The following ANTXR1 variants were observed in gnomAD, a reference collection of about 807,000 sequenced individuals.
ANTXR1 encodes the protein anthrax toxin receptor 1.
Under a neutral mutation model 78.1 loss-of-function variants are expected in ANTXR1, and 19 were observed. The ratio of observed to expected loss-of-function variants is 0.24; its 90% confidence interval spans 0.17 to 0.36. ANTXR1 has a LOEUF of 0.36. ANTXR1 is among the 10% of genes least tolerant of loss of function. The pLI is 1.00. For missense variants in ANTXR1, 518 were observed against 718.6 expected (o/e 0.72, Z 3.19); for synonymous variants, 273 against 260.5 (o/e 1.05, Z -0.46).
chr2:69,073,893 C>A (rs1401746638), intron 6 of ANTXR1, among the ~76,000 whole-genome samples: 3 of 152,192 alleles, frequency 2.0e-5, no homozygotes, highest in African/African-American at 7.2e-5. Context: ...AACAACATCC[C>A]AGAGATGCAG....
intron 10 of ANTXR1, among the ~76,000 whole-genome samples, chr2:69,119,180 G>A (rs1284560710): frequency 1.3e-5 from 2 of 152,212 alleles, no homozygotes; most frequent in East Asian, 3.9e-4. Flanking sequence ...GAGAGGAGTT[G>A]TCCAGAGGCA....
At chr2:69,125,197 C>T (rs1281589442) in intron 12 of ANTXR1, among the ~76,000 whole-genome samples, 1 of 152,062 alleles carries the variant, frequency 6.6e-6, no homozygotes, top group Non-Finnish European at 1.5e-5. Flanking sequence ...GGGGAAGGAG[C>T]CCTTACAATA....
chr2:69,136,531 C>A (rs1051029832), intron 12 of ANTXR1, among the ~76,000 whole-genome samples: 1 of 152,196 alleles, frequency 6.6e-6, no homozygotes, highest in African/African-American at 2.4e-5. Context: ...ACACCCAAAG[C>A]ATTTGTGAGT....
intron 1 of ANTXR1, among the ~76,000 whole-genome samples, chr2:69,028,023 G>A (rs1020793289): frequency 1.3e-5 from 2 of 152,080 alleles, no homozygotes; most frequent in East Asian, 1.9e-4. Flanking sequence ...AATGATGCAG[G>A]CATGTTTAAG....
At chr2:69,091,005 G>A (rs1671215212) in intron 9 of ANTXR1, 86 bp downstream of exon 9, 3 of 1,360,266 alleles carry the variant, frequency 2.2e-6, no homozygotes, top group Non-Finnish European at 3.1e-6. Context: ...TGTTGGTGGG[G>A]TGGGAAAGAG....
At chr2:69,124,773 G>C in intron 12 of ANTXR1, 130 bp downstream of exon 12, 2 of 924,770 alleles carry the variant, frequency 2.2e-6, no homozygotes, top group Non-Finnish European at 3.4e-6. Context: ...GCTGAGCTTT[G>C]ATCCCAGCAC....
chr2:69,110,471 C>T (rs1341146227), intron 10 of ANTXR1, among the ~76,000 whole-genome samples: 1 of 152,214 alleles, frequency 6.6e-6, no homozygotes, highest in Non-Finnish European at 1.5e-5. Context: ...AGTTATACTT[C>T]ACCCCTAAAT....
At chr2:69,051,119 C>G (rs991889364) in intron 3 of ANTXR1, among the ~76,000 whole-genome samples, 1 of 152,016 alleles carries the variant, frequency 6.6e-6, no homozygotes, top group Non-Finnish European at 1.5e-5. Context: ...AACCCCATCT[C>G]CAGTAAAAAT....
At chr2:69,232,980 G>A (rs972841349) in intron 17 of ANTXR1, among the ~76,000 whole-genome samples, 1 of 152,112 alleles carries the variant, frequency 6.6e-6, no homozygotes, top group Non-Finnish European at 1.5e-5. Context: ...AGAATGCCCT[G>A]TGAACAAAGT....
At chr2:69,084,501 A>G (rs765334245) in intron 8 of ANTXR1, among the ~76,000 whole-genome samples, 2 of 152,050 alleles carry the variant, frequency 1.3e-5, no homozygotes, top group Non-Finnish European at 2.9e-5. Context: ...GCGTGGTATA[A>G]TGTATTTGGT....
At chr2:69,197,431 A>G (rs1674691460) in intron 17 of ANTXR1, among the ~76,000 whole-genome samples, 2 of 152,112 alleles carry the variant, frequency 1.3e-5, no homozygotes, top group South Asian at 4.1e-4. Flanking sequence ...AGATTCCTTC[A>G]TCACCTCCAA....
intron 17 of ANTXR1, among the ~76,000 whole-genome samples, chr2:69,240,325 T>C (rs1489191243): frequency 6.6e-6 from 1 of 152,266 alleles, no homozygotes; most frequent in Non-Finnish European, 1.5e-5. Flanking sequence ...GCAATGTTTC[T>C]AATGGGAAAC....
chr2:69,027,804 T>A (rs73934654), intron 1 of ANTXR1, among the ~76,000 whole-genome samples: 5,932 of 146,674 alleles, frequency 0.04, 230 homozygotes, highest in East Asian at 0.17. Flanking sequence ...ATGGAAAGCA[T>A]TTTCAGTAGC....
chr2:69,195,207 A>C (rs770619343), intron 17 of ANTXR1, among the ~76,000 whole-genome samples: 5 of 151,898 alleles, frequency 3.3e-5, no homozygotes, highest in Non-Finnish European at 5.9e-5. Flanking sequence ...AAAATGCTCA[A>C]TCAATGACAG....
intron 10 of ANTXR1, among the ~76,000 whole-genome samples, chr2:69,118,075 T>C (rs1484644760): frequency 6.6e-6 from 1 of 152,114 alleles, no homozygotes; most frequent in Non-Finnish European, 1.5e-5. Flanking sequence ...CTAAAATATC[T>C]TTGGTAATGG....
chr2:69,141,718 A>G (rs1673074722), intron 12 of ANTXR1, among the ~76,000 whole-genome samples: 1 of 152,248 alleles, frequency 6.6e-6, no homozygotes, highest in Admixed American at 6.5e-5. Flanking sequence ...AAAATGGGTT[A>G]ACTGTGTACA....
chr2:69,136,706 T>G lies in ANTXR1; in HGVS notation c.951+12063T>G, dbSNP rs150925639. On this transcript the variant is annotated intron_variant, in intron 12 of 17. Transcript: ENST00000303714. ...AAAGTTTAAGACAATTAGCCAAGCA[T>G]AGAACACAGGAGATTAGAGAAGAAT... Among the ~76,000 whole-genome samples the G allele has an allele frequency of 3.6e-3, 553 of 152,240 alleles. 3 individuals are homozygous for G. The highest frequency in any genetic ancestry group is 4.6e-3 in the Non-Finnish European group (315 of 68,006).
At chr2:69,056,238 C>CA (rs1166884108) in intron 3 of ANTXR1, among the ~76,000 whole-genome samples, 1 of 152,066 alleles carries the variant, frequency 6.6e-6, no homozygotes, top group African/African-American at 2.4e-5. Flanking sequence ...TTTTATTGCC[C>CA]AACAAAAACA....
chr2:69,103,196 C>A, intron 10 of ANTXR1: 2 of 508,234 alleles, frequency 3.9e-6, no homozygotes, highest in East Asian at 7.6e-5. Flanking sequence ...CCGTCCTCCA[C>A]AAAACACAGA....
Sources: allele counts gnomAD v4.1 joint callset (sites outside exome capture counted in the v4.1 genomes callset), GRCh38; gene constraint gnomAD v4.1.1; transcripts MANE v1.5; gene names NCBI Gene and HGNC (gene_info 2026-07-23, HGNC 2026-07-21).